The following HEYL variants were observed in gnomAD, a reference collection of about 807,000 sequenced individuals.
HEYL encodes the protein hes related family bHLH transcription factor with YRPW motif like, also known as hairy/enhancer-of-split related with YRPW motif-like protein.
In HEYL, 12 loss-of-function variants were observed where a neutral mutation model predicts 18.6. The observed-to-expected ratio is 0.65, with a 90% CI of 0.41 to 1.05. The LOEUF is 1.05. Among genes scored for constraint, HEYL ranks in the 50% least tolerant of loss-of-function variants. HEYL has a pLI of 0.00. For synonymous variants in HEYL, 159 were observed against 179.6 expected, an observed-to-expected ratio of 0.89 and a Z score of 0.91; for missense variants, 420 against 444.7, an observed-to-expected ratio of 0.94 and a Z score of 0.50.
At chr1:39,632,579 C>A in intron 2 of HEYL, 70 bp downstream of exon 2, 1 of 1,391,562 alleles carries the variant, frequency 7.2e-7, no homozygotes, top group South Asian at 1.3e-5. Flanking sequence ...GGGTTCTCCC[C>A]GCCGCCAGAC....
chr1:39,633,058 G>A (rs1400724262), intron 1 of HEYL: 8 of 978,770 alleles, frequency 8.2e-6, no homozygotes, highest in Non-Finnish European at 8.5e-6. Context: ...GCCGGCGGCG[G>A]CGGGGCTGGG....
chr1:39,632,836 C>G, intron 1 of HEYL, 121 bp from the exon 2 acceptor site: 1 of 1,526,634 alleles, frequency 6.6e-7, no homozygotes. Context: ...CTCTCCCCTT[C>G]TTCCTGGGGG....
At chr1:39,637,420 C>T (rs1457286479) in intron 1 of HEYL, among the ~76,000 whole-genome samples, 4 of 152,194 alleles carry the variant, frequency 2.6e-5, no homozygotes, top group African/African-American at 9.6e-5. Flanking sequence ...TGTTTATCTG[C>T]TTTCTTTGTA....
intron 3 of HEYL, 94 bp from the exon 4 acceptor site, chr1:39,630,402 C>T (rs1646326557): frequency 1.0e-6 from 1 of 965,672 alleles, no homozygotes; most frequent in Non-Finnish European, 1.7e-6. Context: ...TCTCACCTTC[C>T]TCCCACTCCA....
Position 39,630,307 on chromosome 1 carries a change from C to A in HEYL, c.233G>T (p.Gly78Val). 6.2e-7 allele frequency: 1 copy of A among 1,613,738 alleles called. No individual in the cohort carries two copies. Among genetic ancestry groups the A allele is most frequent in the Non-Finnish European group, 8.5e-7 (1 of 1,179,674 alleles). Residue 78 changes from glycine to valine, a missense_variant and splice_region_variant, in exon 4 of 5, where the codon GGC becomes GTC. By Grantham distance (109) the Gly-to-Val change is moderately radical. Transcript: ENST00000372852. ...RLVPTAFEKQ[G>V]SSKLEKAEVL... Reference sequence around the variant, plus strand: ...CTCGGCTTTCTCCAGCTTGGAAGAGCCCTGCGGGTACAGAAGACAGAAGGG... The same window carrying A: ...CTCGGCTTTCTCCAGCTTGGAAGAGACCTGCGGGTACAGAAGACAGAAGGG...
chr1:39,637,116 C>T (rs1202671182), intron 1 of HEYL, among the ~76,000 whole-genome samples: 3 of 152,204 alleles, frequency 2.0e-5, no homozygotes, highest in Non-Finnish European at 2.9e-5. Flanking sequence ...TTATATTGTG[C>T]AGGAACAGGA....
chr1:39,635,010 G>T (rs1338732053), intron 1 of HEYL, among the ~76,000 whole-genome samples: 1 of 152,176 alleles, frequency 6.6e-6, no homozygotes, highest in East Asian at 1.9e-4. Context: ...CAGCCCAAGG[G>T]TCCCAACCCT....
intron 1 of HEYL, among the ~76,000 whole-genome samples, 167 bp downstream of exon 1, chr1:39,639,379 C>T (rs1296837115): frequency 6.6e-6 from 1 of 152,196 alleles, no homozygotes; most frequent in Non-Finnish European, 1.5e-5. Flanking sequence ...GTGCGTGTAA[C>T]GGCACGGCCC....
chr1:39,637,828 T>G (rs1227072400), intron 1 of HEYL, among the ~76,000 whole-genome samples: 1 of 152,212 alleles, frequency 6.6e-6, no homozygotes, highest in African/African-American at 2.4e-5. Context: ...GTGACCTCTC[T>G]TTGCTTAAGT....
At chr1:39,635,604 T>G (rs557773843) in intron 1 of HEYL, among the ~76,000 whole-genome samples, 1 of 152,280 alleles carries the variant, frequency 6.6e-6, no homozygotes, top group South Asian at 2.1e-4. Flanking sequence ...TGTCTTTCCC[T>G]CCTTTGAGCC....
intron 1 of HEYL, among the ~76,000 whole-genome samples, chr1:39,635,681 AC>A (rs1345414482): frequency 1.3e-5 from 2 of 152,276 alleles, no homozygotes; most frequent in East Asian, 3.9e-4. Context: ...TGCCCAGCCT[AC>A]CCAGCTGCTA....
At chr1:39,635,428 G>T (rs1330324950) in intron 1 of HEYL, among the ~76,000 whole-genome samples, 1 of 152,182 alleles carries the variant, frequency 6.6e-6, no homozygotes, top group Non-Finnish European at 1.5e-5. Context: ...CCCTCCGCTG[G>T]GACCATCTGT....
intron 4 of HEYL, among the ~76,000 whole-genome samples, chr1:39,628,598 TC>T (rs1348595150): frequency 6.7e-6 from 1 of 149,086 alleles, no homozygotes; most frequent in Non-Finnish European, 1.5e-5. Context: ...CTTTTCTTTT[TC>T]TTTTTCTTTT....
intron 1 of HEYL, among the ~76,000 whole-genome samples, chr1:39,638,229 A>C (rs1164774405): frequency 1.3e-5 from 2 of 152,244 alleles, no homozygotes; most frequent in Non-Finnish European, 2.9e-5. Flanking sequence ...TTTGAGACTG[A>C]GGCAGGATCC....
At chr1:39,635,503 C>G (rs1426228198) in intron 1 of HEYL, among the ~76,000 whole-genome samples, 1 of 152,218 alleles carries the variant, frequency 6.6e-6, no homozygotes, top group East Asian at 1.9e-4. Context: ...ATCTCCTGGT[C>G]AGCTTGTCCC....
intron 1 of HEYL, among the ~76,000 whole-genome samples, chr1:39,637,082 C>T (rs1646365396): frequency 6.6e-6 from 1 of 152,218 alleles, no homozygotes; most frequent in African/African-American, 2.4e-5. Context: ...AAACTCAGGT[C>T]TATCTGACTC....
At position 39,626,184 on chromosome 1, in the gene HEYL, TTCATGCCTGCTGCTGGTGTGCAGAGGGC is replaced by T; in HGVS notation, c.*295_*322del. 1 of 271,344 alleles carries T rather than the reference TTCATGCCTGCTGCTGGTGTGCAGAGGGC, an allele frequency of 3.7e-6. No homozygotes were observed. 16.8% of individuals were successfully genotyped at this position (271,344 alleles called of 1,614,324 possible). A position where few individuals can be genotyped will look rare whatever the true frequency, so the allele number is the denominator to read the frequency against. On this transcript the variant is annotated 3_prime_UTR_variant, in exon 5 of 5. Coordinates refer to ENST00000372852, the MANE Select transcript of HEYL (RefSeq NM_014571.4). Reference sequence around the variant, plus strand: ...TTAAAGCTTTTTCCCAGACCCAAGGTTCATGCCTGCTGCTGGTGTGCAGAGGGCAGGAGAGGGGTCTGGGCGGATCTCT... The same window carrying T: ...TTAAAGCTTTTTCCCAGACCCAAGGTAGGAGAGGGGTCTGGGCGGATCTCT...
chr1:39,630,110 T>C (rs1646323849), intron 4 of HEYL, 117 bp downstream of exon 4: 2 of 810,910 alleles, frequency 2.5e-6, no homozygotes, highest in Non-Finnish European at 4.3e-6. Context: ...GTTCCCTCCA[T>C]TGACTGAGCT....
Position 39,626,796 on chromosome 1 carries a change from C to T in HEYL, c.698G>A (p.Arg233Gln), listed in dbSNP as rs372916805. The change falls in exon 5 of 5, where the codon CGG becomes CAG. Residue 233 changes from arginine to glutamine, a missense_variant. Physicochemically the swap from Arg to Gln is conservative, Grantham distance 43. Coordinates refer to ENST00000372852, the MANE Select transcript of HEYL (RefSeq NM_014571.4). ...CCCTCGACTGGGCAGCACATTCCTC[C>T]GGGCTGGCAGGATGATGCCTGTGGC... is the stretch of plus-strand genomic sequence containing the variant. ...RRATGIILPA[R>Q]RNVLPSRGAS... 21 of 1,559,154 alleles carry T rather than the reference C, an allele frequency of 1.3e-5. No homozygotes were observed. The highest frequency in any genetic ancestry group is 4.8e-5 in the East Asian group (2 of 41,992).
Sources: allele counts gnomAD v4.1 joint callset (sites outside exome capture counted in the v4.1 genomes callset), GRCh38; gene constraint gnomAD v4.1.1; transcripts MANE v1.5; gene names NCBI Gene and HGNC (gene_info 2026-07-23, HGNC 2026-07-21).